GUCY2F: variants seen among roughly 807,000 people sequenced by gnomAD.
GUCY2F encodes retinal guanylyl cyclase 2.
In GUCY2F, 61 loss-of-function variants were observed where a neutral mutation model predicts 73.1. The observed-to-expected ratio is 0.83, with a 90% CI of 0.68 to 1.03. The LOEUF (loss-of-function observed/expected upper bound fraction) is 1.03. Among genes scored for constraint, GUCY2F ranks in the 50% least tolerant of loss-of-function variants. GUCY2F has a pLI of 0.00. For missense variants in GUCY2F, 912 were observed against 854.3 expected (o/e 1.07, Z -0.84); for synonymous variants, 331 against 307.8 (o/e 1.08, Z -0.79).
At chrX:109,468,880 G>C (rs1428697807) in intron 2 of GUCY2F, among the ~76,000 whole-genome samples, 1 of 111,984 alleles carries the variant, frequency 8.9e-6, no homozygotes, top group Non-Finnish European at 1.9e-5. Context: ...ACAGGGATTT[G>C]TAGATACATC....
intron 7 of GUCY2F, among the ~76,000 whole-genome samples, chrX:109,436,641 T>C (rs957338332): frequency 1.6e-4 from 18 of 111,484 alleles, no homozygotes; most frequent in Non-Finnish European, 2.8e-4. Flanking sequence ...TGTAGGGACA[T>C]GGATGAAATT....
At chrX:109,404,237 A>T in intron 10 of GUCY2F, 91 bp downstream of exon 10, 1 of 677,477 alleles carries the variant, frequency 1.5e-6, no homozygotes, top group South Asian at 3.1e-5. Context: ...TGGAGAGTTG[A>T]AATCAGCCTG....
At chrX:109,375,810 T>C (rs1327143622) in intron 19 of GUCY2F, 88 bp downstream of exon 19, 2 of 641,337 alleles carry the variant, frequency 3.1e-6, no homozygotes, top group Non-Finnish European at 5.2e-6. Flanking sequence ...CAACAGAGTA[T>C]AGGCTGACAC....
intron 6 of GUCY2F, 54 bp from the exon 7 acceptor site, chrX:109,441,536 C>T (rs887347963): frequency 4.1e-5 from 37 of 896,942 alleles, no homozygotes; most frequent in Non-Finnish European, 5.4e-5. Flanking sequence ...TGATTTGGCA[C>T]AGAGCTTATC....
intron 6 of GUCY2F, among the ~76,000 whole-genome samples, chrX:109,447,435 C>T (rs1416382300): frequency 9.0e-6 from 1 of 110,680 alleles, no homozygotes; most frequent in East Asian, 2.8e-4. Flanking sequence ...CCATGGAATA[C>T]TATGCAGCCA....
intron 8 of GUCY2F, among the ~76,000 whole-genome samples, chrX:109,420,358 AAGAG>A (rs1158957153): frequency 9.4e-5 from 10 of 105,933 alleles, no homozygotes; most frequent in Non-Finnish European, 1.4e-4. Flanking sequence ...AAGAAAAAGA[AAGAG>A]AGAGAGAGAG....
At chrX:109,451,146 T>C (rs1467589967) in intron 5 of GUCY2F, among the ~76,000 whole-genome samples, 3 of 111,660 alleles carry the variant, frequency 2.7e-5, no homozygotes, top group Non-Finnish European at 5.7e-5. Context: ...TTTTTCACTT[T>C]CCCCCAATTA....
chrX:109,403,024 T>C (rs1288916633), intron 10 of GUCY2F, among the ~76,000 whole-genome samples: 1 of 112,188 alleles, frequency 8.9e-6, no homozygotes, highest in Non-Finnish European at 1.9e-5. Context: ...TATGATGTAG[T>C]TTTGCATCTC....
intron 17 of GUCY2F, among the ~76,000 whole-genome samples, chrX:109,380,911 T>C (rs748668250): frequency 2.6e-4 from 29 of 112,265 alleles, no homozygotes; most frequent in Admixed American, 9.4e-4. Flanking sequence ...TGTTGAAATA[T>C]GACAGAATGT....
intron 7 of GUCY2F, among the ~76,000 whole-genome samples, chrX:109,440,766 G>T (rs1366010293): frequency 1.8e-5 from 2 of 112,088 alleles, no homozygotes; most frequent in African/African-American, 6.5e-5. Context: ...TAGATCAGGT[G>T]GTACAGGGTG....
chrX:109,392,552 A>G (rs897756015), intron 13 of GUCY2F, among the ~76,000 whole-genome samples: 37 of 112,434 alleles, frequency 3.3e-4, no homozygotes, highest in African/African-American at 1.1e-3. Flanking sequence ...ACCTGGAAAA[A>G]CGACCTTGCT....
chrX:109,477,741 C>T (rs761933164), intron 1 of GUCY2F, among the ~76,000 whole-genome samples: 140 of 112,121 alleles, frequency 1.2e-3, no homozygotes, highest in Non-Finnish European at 2.3e-3. Context: ...ACCAATCAGG[C>T]CAAACTGGTT....
chrX:109,476,163 C>A (rs2147286111), intron 1 of GUCY2F, 142 bp from the exon 2 acceptor site: 1 of 323,210 alleles, frequency 3.1e-6, no homozygotes, highest in East Asian at 5.1e-5. Flanking sequence ...GACAAAACTC[C>A]TCCTCTTCCT....
At chrX:109,441,539 A>G in intron 6 of GUCY2F, 57 bp from the exon 7 acceptor site, 2 of 882,360 alleles carry the variant, frequency 2.3e-6, no homozygotes, top group South Asian at 6.7e-5. Flanking sequence ...TTTGGCACAG[A>G]GCTTATCTGA....
chrX:109,437,084 G>A (rs1931769865), intron 7 of GUCY2F, among the ~76,000 whole-genome samples: 2 of 110,667 alleles, frequency 1.8e-5, no homozygotes, highest in African/African-American at 6.6e-5. Flanking sequence ...TGTTTCAGAA[G>A]ACACACTACT....
At chrX:109,388,730 A>C in intron 14 of GUCY2F, 67 bp from the exon 15 acceptor site, 1 of 749,090 alleles carries the variant, frequency 1.3e-6, no homozygotes, top group Non-Finnish European at 2.0e-6. Context: ...CAGAGCTGTA[A>C]GGGTATAATG....
At chrX:109,468,243 T>C (rs1201961977) in intron 2 of GUCY2F, among the ~76,000 whole-genome samples, 1 of 112,408 alleles carries the variant, frequency 8.9e-6, no homozygotes, top group Non-Finnish European at 1.9e-5. Context: ...ATTTTTATCC[T>C]GGCACTTACA....
intron 2 of GUCY2F, among the ~76,000 whole-genome samples, chrX:109,468,699 C>A (rs775752859): frequency 8.7e-4 from 97 of 111,856 alleles, no homozygotes; most frequent in Middle Eastern, 4.6e-3. Context: ...GTAGGCCAAC[C>A]TGTCCCCATC....
intron 15 of GUCY2F, among the ~76,000 whole-genome samples, chrX:109,386,097 T>G (rs930290196): frequency 1.8e-5 from 2 of 111,544 alleles, no homozygotes; most frequent in African/African-American, 6.5e-5. Flanking sequence ...CCACCATGCC[T>G]GGCCTTCTGC....
Sources: gnomAD v4.1 joint callset for allele counts (sites outside exome capture counted in the v4.1 genomes callset) on GRCh38, gnomAD v4.1.1 for gene constraint, MANE v1.5 for transcripts, NCBI Gene and HGNC (gene_info 2026-07-23, HGNC 2026-07-21) for gene names.